LAMA5: variants seen among roughly 807,000 people sequenced by gnomAD.
LAMA5 encodes laminin subunit alpha 5.
A neutral mutation model predicts 433.4 loss-of-function variants in LAMA5; 260 were observed. The observed-to-expected ratio is 0.60, with a 90% confidence interval of 0.54 to 0.66. The LOEUF is 0.66. Among genes scored for constraint, LAMA5 ranks in the 30% least tolerant of loss-of-function variants. LAMA5 has a pLI of 0.00. For synonymous variants in LAMA5, 2,620 were observed against 2,226.6 expected, an observed-to-expected ratio of 1.18 and a Z score of -4.97; for missense variants, 5,378 against 5,258.5, an observed-to-expected ratio of 1.02 and a Z score of -0.70.
At chr20:62,363,568 G>A (rs961037225) in intron 1 of LAMA5, among the ~76,000 whole-genome samples, 1 of 152,058 alleles carries the variant, frequency 6.6e-6, no homozygotes, top group African/African-American at 2.4e-5. Context: ...AGGGGGCAGA[G>A]CTGGGTCCTG....
At chr20:62,313,921 G>A (rs1353562799) in intron 62 of LAMA5, 119 bp from the exon 63 acceptor site, 5 of 976,168 alleles carry the variant, frequency 5.1e-6, no homozygotes, top group South Asian at 3.3e-5. Flanking sequence ...GAGTGGGCAC[G>A]GAGAGACGAG....
chr20:62,323,155 G>A (rs1011485714), intron 45 of LAMA5, among the ~76,000 whole-genome samples: 1 of 142,866 alleles, frequency 7.0e-6, no homozygotes, highest in African/African-American at 2.5e-5. Context: ...GGGGAGGGGG[G>A]ATGTGATCCT....
At position 62,311,970 on chromosome 20, in the gene LAMA5, G is replaced by C. The variant is rs760238151; in HGVS notation, c.9585C>G (p.Gly3195=). ...LLRTEVKTQA[G]FADGAPHYVA... is the part of the protein sequence containing the mutation. Reference sequence around the variant, plus strand: ...CGTAATGGGGGGCACCATCGGCGAAGCCCGCTTGAGTTTTCACTTCAGTCC... The same window carrying C: ...CGTAATGGGGGGCACCATCGGCGAACCCCGCTTGAGTTTTCACTTCAGTCC... Residue 3195 remains glycine, a synonymous_variant, in exon 70 of 80, where the codon GGC becomes GGG. Coordinates refer to ENST00000252999, the MANE Select transcript of LAMA5 (RefSeq NM_005560.6). 2 of 1,612,700 alleles carry C rather than the reference G, an allele frequency of 1.2e-6. No individual in the cohort carries two copies. The highest frequency in any genetic ancestry group is 1.7e-6 in the Non-Finnish European group (2 of 1,179,904).
rs753806998 is a variant in LAMA5, at chr20:62,333,124, G to A, written c.3248C>T (p.Ser1083Leu). The A allele has an allele frequency of 1.2e-5, 18 of 1,479,176 alleles. No individual in the cohort carries two copies. Among genetic ancestry groups the A allele is most frequent in the Middle Eastern group, 2.4e-4 (1 of 4,230 alleles). 91.6% of individuals were successfully genotyped at this position (1,479,176 alleles called of 1,614,324 possible). A position where few individuals can be genotyped will look rare whatever the true frequency, so the allele number is the denominator to read the frequency against. The change falls in exon 26 of 80, where the codon TCG becomes TTG. Residue 1083 changes from serine (S) to leucine (L), a missense_variant. Transcript: ENST00000252999. ...CGTGCAGGTGATCAGTGGCGGGTGCGACGGGCTGAGCTGCTCCGTGGGGCA... is the reference window on the plus strand; with the variant it reads ...CGTGCAGGTGATCAGTGGCGGGTGCAACGGGCTGAGCTGCTCCGTGGGGCA... ...RPCPTEQLSP[S>L]HPPLITCTGS...
At chr20:62,345,604 A>G in intron 11 of LAMA5, 1 of 666,850 alleles carries the variant, frequency 1.5e-6, no homozygotes, top group Non-Finnish European at 2.7e-6. Flanking sequence ...ACAGGGTTTT[A>G]CCATGTTGCC....
chr20:62,330,466 A>AC (rs751556839), intron 31 of LAMA5, 22 bp downstream of exon 31: 63 of 1,517,094 alleles, frequency 4.2e-5, no homozygotes, highest in Non-Finnish European at 5.1e-5. Context: ...TAGCCTCTCC[A>AC]CCCCCCACAC....
In LAMA5 at chr20:62,333,700, G is replaced by C. The variant is rs1044812593; in HGVS notation, c.2885C>G (p.Ala962Gly). Residue 962 changes from alanine (A) to glycine (G), a missense_variant, in exon 24 of 80, where the codon GCA becomes GGA. By Grantham distance (60) the Ala-to-Gly change is moderately conservative (BLOSUM62 0). Coordinates refer to ENST00000252999, the MANE Select transcript of LAMA5 (RefSeq NM_005560.6). ...GRSATCANCT[A>G]QSQPVAFPPS... ...TGGGAAGGCCACGGGCTGACTCTGT[G>C]CTGTGCCTGGGCGGGGGCAGGGGTG... 9 of 1,589,136 alleles carry C rather than the reference G, an allele frequency of 5.7e-6. No individual in the cohort carries two copies. The highest frequency in any genetic ancestry group is 7.7e-6 in the Non-Finnish European group (9 of 1,169,328).
intron 48 of LAMA5, 141 bp downstream of exon 48, chr20:62,321,878 G>A (rs1987855095): frequency 1.2e-6 from 1 of 815,512 alleles, no homozygotes; most frequent in Non-Finnish European, 2.1e-6. Flanking sequence ...GGTTGGAGTT[G>A]GACAGGCATG....
At chr20:62,335,900 G>A (rs80070067) in intron 18 of LAMA5, among the ~76,000 whole-genome samples, 2,746 of 130,986 alleles carry the variant, frequency 0.021, 61 homozygotes, top group Non-Finnish European at 0.031. Flanking sequence ...ACACTCATGG[G>A]TGCAATCCCG....
At chr20:62,351,345 G>A (rs1381065098) in intron 6 of LAMA5, 5 of 401,320 alleles carry the variant, frequency 1.2e-5, no homozygotes, top group Non-Finnish European at 2.3e-5. Flanking sequence ...TTGGAGTCGG[G>A]GATCAATCAT....
chr20:62,316,632 C>T (rs1158809109), intron 57 of LAMA5, 39 bp downstream of exon 57: 1 of 1,456,792 alleles, frequency 6.9e-7, no homozygotes, highest in South Asian at 1.3e-5. Context: ...CTCAGATGCC[C>T]AGCAGGCCTA....
rs369788237 is a variant in LAMA5, at chr20:62,346,664, C to T, written c.1191+18G>A. The T allele has an allele frequency of 2.5e-6, 4 of 1,610,926 alleles. No homozygotes were observed. Among genetic ancestry groups the T allele is most frequent in the Non-Finnish European group, 3.4e-6 (4 of 1,178,020 alleles). On this transcript the variant is annotated intron_variant, in intron 8 of 79. Transcript: ENST00000252999. The stretch of plus-strand genomic sequence containing the variant: ...CACCTCAGGGCCAGCCCATTCCCAG[C>T]CCTCTAGCCCAGCCCACCTGGCAGT...
In LAMA5 at chr20:62,312,399, C is replaced by T; in HGVS notation, c.9360+1G>A. 6.3e-7 allele frequency: 1 copy of T among 1,598,982 alleles called. No individual in the cohort carries two copies. The highest frequency in any genetic ancestry group is 2.2e-5 in the East Asian group (1 of 44,850). On this transcript the variant is annotated splice_donor_variant, in intron 68 of 79. Coordinates refer to ENST00000252999, the MANE Select transcript of LAMA5 (RefSeq NM_005560.6). LOFTEE classifies it high-confidence loss of function. ...CCCCCAGCCCGGGGAGGGCTGCTCA[C>T]CAGCAGGTCGGCGGTGCAGCCGGCG... is the stretch of plus-strand genomic sequence containing the variant.
At chr20:62,320,318 CAAAAAA>C (rs60260941) in intron 50 of LAMA5, among the ~76,000 whole-genome samples, 8 of 51,282 alleles carry the variant, frequency 1.6e-4, no homozygotes, top group Admixed American at 2.6e-4. Flanking sequence ...AACTGTGTCT[CAAAAAA>C]AAAAAAAAAA....
chr20:62,339,626 C>G (rs1982274882), intron 11 of LAMA5, among the ~76,000 whole-genome samples: 1 of 151,938 alleles, frequency 6.6e-6, no homozygotes, highest in Admixed American at 6.6e-5. Context: ...AGTTTTGTTA[C>G]TGATAGAAAA....
chr20:62,352,208 A>G, intron 4 of LAMA5, 34 bp downstream of exon 4: 4 of 1,562,128 alleles, frequency 2.6e-6, no homozygotes, highest in Non-Finnish European at 3.5e-6. Context: ...TCCGTTCTCC[A>G]GCCCCCGTAC....
rs1379628486 is a variant in LAMA5, at chr20:62,333,308, G to GGGAAGCCAGGCACAGTGGGGGTCCA, written c.3128+42_3128+66dup. Reference sequence around the variant, plus strand: ...AGGTCCCCAGAGACAGCCTGAGTGGGGGAAGCCAGGCACAGTGGGGGTCCA... The same window carrying GGGAAGCCAGGCACAGTGGGGGTCCA: ...AGGTCCCCAGAGACAGCCTGAGTGGGGGAAGCCAGGCACAGTGGGGGTCCAGGAAGCCAGGCACAGTGGGGGTCCA... On this transcript the variant is annotated intron_variant, in intron 25 of 79. Transcript: ENST00000252999. The GGGAAGCCAGGCACAGTGGGGGTCCA allele has an allele frequency of 5.2e-4, 831 of 1,594,324 alleles. 1 individual carries two copies. The highest frequency in any genetic ancestry group is 2.8e-3 in the South Asian group (249 of 89,612).
At chr20:62,341,469 G>A (rs1386190045) in intron 11 of LAMA5, among the ~76,000 whole-genome samples, 1 of 152,166 alleles carries the variant, frequency 6.6e-6, no homozygotes, top group Non-Finnish European at 1.5e-5. Flanking sequence ...GTTGTAGGAG[G>A]TTCCCAGCAT....
chr20:62,321,048 G>C (rs1987647176), intron 48 of LAMA5, among the ~76,000 whole-genome samples, 158 bp from the exon 49 acceptor site: 1 of 151,396 alleles, frequency 6.6e-6, no homozygotes, highest in Non-Finnish European at 1.5e-5. Flanking sequence ...CAGAGTTCTG[G>C]CAGAGTCATA....
Sources: allele counts gnomAD v4.1 joint callset (sites outside exome capture counted in the v4.1 genomes callset), GRCh38; gene constraint gnomAD v4.1.1; transcripts MANE v1.5; gene names NCBI Gene and HGNC (gene_info 2026-07-23, HGNC 2026-07-21).